Variants in SGK3 observed in about 807,000 individuals in gnomAD.
SGK3 encodes serum/glucocorticoid regulated kinase family member 3.
Under a neutral mutation model 68.5 loss-of-function variants are expected in SGK3, and 47 were observed. The observed-to-expected ratio is 0.69, with a 90% CI of 0.54 to 0.87. The LOEUF (loss-of-function observed/expected upper bound fraction) is 0.87. SGK3 is among the 40% of genes least tolerant of loss of function. The pLI is 0.00. For synonymous variants in SGK3, 181 were observed against 189.1 expected, an observed-to-expected ratio of 0.96 and a Z score of 0.35; for missense variants, 479 against 575.5, an observed-to-expected ratio of 0.83 and a Z score of 1.72.
chr8:66,715,710 C>T (rs1037163862), intron 1 of SGK3, among the ~76,000 whole-genome samples: 1 of 152,046 alleles, frequency 6.6e-6, no homozygotes, highest in Non-Finnish European at 1.5e-5. Context: ...CACAAAATTC[C>T]TCAACTATTT....
intron 1 of SGK3, among the ~76,000 whole-genome samples, chr8:66,719,259 GT>G (rs895177472): frequency 1.0e-3 from 153 of 146,018 alleles, no homozygotes; most frequent in South Asian, 7.9e-3. Flanking sequence ...GTACACAAGA[GT>G]TTTTTTTTTT....
chr8:66,790,072 C>T (rs1333140694), intron 1 of SGK3, among the ~76,000 whole-genome samples: 1 of 151,770 alleles, frequency 6.6e-6, no homozygotes, highest in Admixed American at 6.6e-5. Flanking sequence ...AGTGAGACCC[C>T]ATCTCAAAAA....
intron 10 of SGK3, 133 bp downstream of exon 10, chr8:66,836,207 C>A: frequency 8.5e-7 from 1 of 1,176,524 alleles, no homozygotes; most frequent in East Asian, 2.4e-5. Flanking sequence ...AAGGTACTGG[C>A]TGAGTACAGG....
chr8:66,850,875 T>C lies in SGK3; in HGVS notation c.1275T>C (p.Ala425=), dbSNP rs765651735. The stretch of plus-strand genomic sequence containing the variant: ...CTTTTTTTGAATCACTCAGCTGGGC[T>C]GACCTTGTACAAAAGAAGATTCCAC... The part of the protein sequence containing the change: ...NHPFFESLSW[A]DLVQKKIPPP... The change falls in exon 16 of 17, where the codon GCT becomes GCC. Residue 425 remains alanine, a synonymous_variant. Coordinates refer to ENST00000521198, the MANE Select transcript of SGK3 (RefSeq NM_001033578.3). The C allele has an allele frequency of 9.3e-6, 15 of 1,611,722 alleles. No individual in the cohort carries two copies. The highest frequency in any genetic ancestry group is 1.3e-5 in the Non-Finnish European group (15 of 1,178,812).
At chr8:66,839,656 G>C (rs1175580094) in intron 10 of SGK3, 2 of 169,102 alleles carry the variant, frequency 1.2e-5, no homozygotes, top group East Asian at 3.4e-4. Flanking sequence ...GAAAGGCCCT[G>C]TAAGATAATT....
Position 66,847,389 on chromosome 8 carries a change from A to G in SGK3, c.1230+41A>G, listed in dbSNP as rs1810076503. On this transcript the variant is annotated intron_variant, in intron 15 of 16. Coordinates refer to ENST00000521198, the MANE Select transcript of SGK3 (RefSeq NM_001033578.3). ...TCTAGCTCCAGCTTTATTTAAGCTTATTTAAAATTTGGAAATAAAGCTTTA... is the reference window on the plus strand; with the variant it reads ...TCTAGCTCCAGCTTTATTTAAGCTTGTTTAAAATTTGGAAATAAAGCTTTA... 6.3e-6 allele frequency: 10 copies of G among 1,599,220 alleles called. No homozygotes were observed. In the East Asian group the frequency reaches 2.2e-4, roughly 36 times the overall value.
At chr8:66,822,208 T>A (rs1378137442) in intron 5 of SGK3, among the ~76,000 whole-genome samples, 164 bp from the exon 6 acceptor site, 3 of 152,066 alleles carry the variant, frequency 2.0e-5, no homozygotes, top group East Asian at 3.8e-4. Context: ...AAAAAAAAAA[T>A]TAATTTGCGT....
At chr8:66,740,733 C>G (rs1002201725) in intron 1 of SGK3, among the ~76,000 whole-genome samples, 3 of 151,886 alleles carry the variant, frequency 2.0e-5, no homozygotes, top group Non-Finnish European at 2.9e-5. Context: ...ATGGCGAAAC[C>G]CTGTCTCTAC....
intron 1 of SGK3, among the ~76,000 whole-genome samples, chr8:66,756,182 T>G (rs1330831896): frequency 6.6e-6 from 1 of 152,040 alleles, no homozygotes; most frequent in African/African-American, 2.4e-5. Context: ...AAGGCAGCCG[T>G]CTACAAGCCA....
intron 16 of SGK3, among the ~76,000 whole-genome samples, chr8:66,857,574 G>C (rs1810564497): frequency 1.3e-5 from 2 of 151,864 alleles, no homozygotes; most frequent in South Asian, 4.2e-4. Flanking sequence ...TTGAGCCTAG[G>C]AGTTCAAGAC....
At chr8:66,808,568 C>T (rs1272434960) in intron 4 of SGK3, among the ~76,000 whole-genome samples, 1 of 149,272 alleles carries the variant, frequency 6.7e-6, no homozygotes, top group Non-Finnish European at 1.5e-5. Context: ...GGCTGGAGTG[C>T]AGTGGCATGA....
At chr8:66,858,216 A>G (rs906853983) in intron 16 of SGK3, among the ~76,000 whole-genome samples, 1 of 152,184 alleles carries the variant, frequency 6.6e-6, no homozygotes, top group African/African-American at 2.4e-5. Flanking sequence ...CTGTAATTCC[A>G]GCACTTTGGG....
chr8:66,727,816 T>G (rs1269273235), intron 1 of SGK3, among the ~76,000 whole-genome samples: 1 of 152,198 alleles, frequency 6.6e-6, no homozygotes, highest in Non-Finnish European at 1.5e-5. Context: ...TGTCAGGTAT[T>G]CTGTTATAGC....
intron 13 of SGK3, 54 bp downstream of exon 13, chr8:66,841,164 G>A: frequency 7.5e-7 from 1 of 1,340,038 alleles, no homozygotes; most frequent in Non-Finnish European, 1.0e-6. Flanking sequence ...ATGCAAATAT[G>A]AATTACAGAT....
At chr8:66,814,829 A>G (rs1306755554) in intron 5 of SGK3, among the ~76,000 whole-genome samples, 1 of 152,172 alleles carries the variant, frequency 6.6e-6, no homozygotes, top group African/African-American at 2.4e-5. Flanking sequence ...TGGTAGATAT[A>G]TGGTTTGGCT....
intron 1 of SGK3, among the ~76,000 whole-genome samples, chr8:66,725,516 T>C (rs530593692): frequency 9.1e-4 from 139 of 152,146 alleles, no homozygotes; most frequent in Non-Finnish European, 1.8e-3. Flanking sequence ...TGTGAATATG[T>C]AACCCATTGT....
At chr8:66,838,353 C>T (rs531534922) in intron 10 of SGK3, among the ~76,000 whole-genome samples, 128 of 152,202 alleles carry the variant, frequency 8.4e-4, no homozygotes, top group Middle Eastern at 6.8e-3. Flanking sequence ...CGTGAGCGAC[C>T]GCACCTGGCT....
chr8:66,743,900 G>T (rs1421741973), intron 1 of SGK3, among the ~76,000 whole-genome samples: 1 of 152,168 alleles, frequency 6.6e-6, no homozygotes, highest in Non-Finnish European at 1.5e-5. Context: ...CTAGCAGACT[G>T]GAATCTTTCA....
At chr8:66,713,238 A>G (rs1010890812) in intron 1 of SGK3, among the ~76,000 whole-genome samples, 1 of 152,228 alleles carries the variant, frequency 6.6e-6, no homozygotes, top group African/African-American at 2.4e-5. Context: ...GCGGATCTGT[A>G]GTAAAAGACC....
Sources: gnomAD v4.1 joint callset for allele counts (sites outside exome capture counted in the v4.1 genomes callset) on GRCh38, gnomAD v4.1.1 for gene constraint, MANE v1.5 for transcripts, NCBI Gene and HGNC (gene_info 2026-07-23, HGNC 2026-07-21) for gene names.